MTNAP1: variants seen among roughly 807,000 people sequenced by gnomAD.
The protein encoded by MTNAP1 is mitochondrial nucleoid-associated protein 1.
the MTNAP1 span, chr17:73,232,457 C>T: frequency 1.2e-6 from 1 of 808,484 alleles, no homozygotes; most frequent in African/African-American, 1.8e-5. Flanking sequence ...CCTGGGGTGG[C>T]AGAAGCGCTC....
At chr17:73,236,371 G>A in the MTNAP1 span, 722 of 1,614,096 alleles carry the variant, frequency 4.5e-4, 2 homozygotes, top group African/African-American at 8.6e-3. Context: ...GGAGAAACAA[G>A]AGAAAGGACT....
the MTNAP1 span, chr17:73,243,096 T>TTTTG: frequency 1.0e-6 from 1 of 995,258 alleles, no homozygotes; most frequent in Non-Finnish European, 1.5e-6. Context: ...TTTTTTTTTT[T>TTTTG]TTTTTACAGC....
the MTNAP1 span, chr17:73,248,459 G>A: frequency 6.5e-7 from 1 of 1,546,318 alleles, no homozygotes; most frequent in African/African-American, 1.4e-5. Context: ...CCCTGTCTGT[G>A]GCATTGGAGT....
chr17:73,235,152 G>A, the MTNAP1 span, among the ~76,000 whole-genome samples: 1 of 151,976 alleles, frequency 6.6e-6, no homozygotes, highest in Non-Finnish European at 1.5e-5. Flanking sequence ...CCTGGGAGGC[G>A]GAGTTTGCAG....
the MTNAP1 span, among the ~76,000 whole-genome samples, chr17:73,241,217 T>G: frequency 0.51 from 77,413 of 151,600 alleles, 19,828 homozygotes; most frequent in East Asian, 0.61. Context: ...GAGTGCAGTG[T>G]AGCGATCTCT....
the MTNAP1 span, chr17:73,245,562 T>C: frequency 1.0e-6 from 1 of 985,408 alleles, no homozygotes; most frequent in Non-Finnish European, 1.2e-6. Context: ...CATTCAGCTA[T>C]ATGAGATACC....
At chr17:73,243,465 T>C in the MTNAP1 span, among the ~76,000 whole-genome samples, 1 of 152,002 alleles carries the variant, frequency 6.6e-6, no homozygotes, top group Non-Finnish European at 1.5e-5. Flanking sequence ...GCTCCGGGGT[T>C]TTATTAGAGG....
At chr17:73,236,808 C>G in the MTNAP1 span, 1 of 1,614,096 alleles carries the variant, frequency 6.2e-7, no homozygotes, top group African/African-American at 1.3e-5. Context: ...CTCCTCAGAG[C>G]CCCTTCACCA....
chr17:73,240,142 G>GAGAC, the MTNAP1 span, among the ~76,000 whole-genome samples: 1 of 152,198 alleles, frequency 6.6e-6, no homozygotes, highest in Admixed American at 6.5e-5. Context: ...CCAAGGTTAT[G>GAGAC]AGACAGGATA....
At chr17:73,236,596 A>G in the MTNAP1 span, 14 of 1,614,096 alleles carry the variant, frequency 8.7e-6, no homozygotes, top group African/African-American at 5.3e-5. Flanking sequence ...ATCGCAGTCA[A>G]GTAGTCAAAG....
At chr17:73,247,110 A>G in the MTNAP1 span, 3 of 773,710 alleles carry the variant, frequency 3.9e-6, no homozygotes, top group East Asian at 8.1e-5. Flanking sequence ...CAAAATGTAC[A>G]AAAACAAGCC....
the MTNAP1 span, among the ~76,000 whole-genome samples, chr17:73,240,023 A>G: frequency 6.6e-6 from 1 of 152,256 alleles, no homozygotes; most frequent in Non-Finnish European, 1.5e-5. Flanking sequence ...AGTAGAGTTT[A>G]AAGACCACAG....
chr17:73,242,554 T>C, the MTNAP1 span, among the ~76,000 whole-genome samples: 77,700 of 151,944 alleles, frequency 0.51, 19,974 homozygotes, highest in East Asian at 0.62. Flanking sequence ...CTACCATTTA[T>C]TCAACAGCTT....
the MTNAP1 span, chr17:73,245,629 C>T: frequency 1.4e-3 from 1,384 of 985,296 alleles, 21 homozygotes; most frequent in African/African-American, 0.022. Context: ...AAAATAAGCC[C>T]ACATCAGGCC....
chr17:73,243,505 A>C, the MTNAP1 span, among the ~76,000 whole-genome samples: 7 of 148,416 alleles, frequency 4.7e-5, no homozygotes, highest in African/African-American at 1.7e-4. Context: ...ATAAGATTTG[A>C]CTAGAATTTA....
At chr17:73,239,847 C>T in the MTNAP1 span, among the ~76,000 whole-genome samples, 2 of 152,172 alleles carry the variant, frequency 1.3e-5, no homozygotes, top group African/African-American at 2.4e-5. Flanking sequence ...AGTGACTTCC[C>T]TATGTTCATG....
the MTNAP1 span, chr17:73,232,849 C>T: frequency 1.3e-5 from 2 of 152,690 alleles, no homozygotes; most frequent in East Asian, 3.9e-4. Flanking sequence ...GAGGGTCTTC[C>T]TGGAACCGCA....
the MTNAP1 span, chr17:73,245,050 T>A: frequency 2.1e-4 from 193 of 917,142 alleles, no homozygotes; most frequent in African/African-American, 2.8e-3. Flanking sequence ...TCATTGTGCT[T>A]AATACTCTAT....
chr17:73,238,035 A>G, the MTNAP1 span, among the ~76,000 whole-genome samples: 2 of 152,144 alleles, frequency 1.3e-5, no homozygotes, highest in African/African-American at 4.8e-5. Flanking sequence ...GAACGTTGAA[A>G]CTCACCTTGA....
Sources: gnomAD v4.1 joint callset for allele counts (sites outside exome capture counted in the v4.1 genomes callset) on GRCh38, gnomAD v4.1.1 for gene constraint, MANE v1.5 for transcripts, NCBI Gene and HGNC (gene_info 2026-07-23, HGNC 2026-07-21) for gene names.